DISC1: variants seen among roughly 807,000 people sequenced by gnomAD.
The protein encoded by DISC1 is DISC1 scaffold protein, also known as disrupted in schizophrenia 1 protein.
A neutral mutation model predicts 84.5 loss-of-function variants in DISC1; 57 were observed. The observed-to-expected ratio is 0.67, with a 90% CI of 0.55 to 0.84. DISC1 has a LOEUF of 0.84. Ranked by LOEUF, DISC1 falls within the 40% of genes least tolerant of loss-of-function variation. The pLI is 0.00. For missense variants in DISC1, 1,000 were observed against 1,057.8 expected (o/e 0.95, Z 0.76); for synonymous variants, 411 against 415.2 (o/e 0.99, Z 0.12).
intron 9 of DISC1, among the ~76,000 whole-genome samples, chr1:231,908,569 G>C (rs1160323463): frequency 6.6e-6 from 1 of 152,120 alleles, no homozygotes; most frequent in African/African-American, 2.4e-5. Flanking sequence ...TGCTGTTACT[G>C]TAGCCTTGTA....
At chr1:231,713,680 G>GATATATATATATATAT (rs1200959736) in intron 3 of DISC1, among the ~76,000 whole-genome samples, 8 of 120,804 alleles carry the variant, frequency 6.6e-5, no homozygotes, top group African/African-American at 2.4e-4. Context: ...TCATGAAGCA[G>GATATATATATATATAT]ATATATATAT....
Position 231,814,328 on chromosome 1 carries a change from A to T in DISC1, c.1793-4001A>T, listed in dbSNP as rs145934614. On this transcript the variant is annotated intron_variant, in intron 8 of 12. Coordinates refer to ENST00000439617, the MANE Select transcript of DISC1 (RefSeq NM_018662.3). The stretch of plus-strand genomic sequence containing the variant: ...GACAACAATATGAATTTCAGTGAAC[A>T]TAAAAAGCACCCATTATTTTATACA... Among the ~76,000 whole-genome samples, 36 of 152,338 alleles carry T rather than the reference A, an allele frequency of 2.4e-4. 1 individual carries two copies. The East Asian group carries it at 6.9e-3, about 29-fold the overall frequency.
chr1:232,022,767 A>T (rs572699152), intron 11 of DISC1, among the ~76,000 whole-genome samples: 1 of 152,234 alleles, frequency 6.6e-6, no homozygotes, highest in African/African-American at 2.4e-5. Context: ...CAAGATTCCA[A>T]GTGAGAGCAT....
chr1:231,642,841 T>C (rs1203672985), intron 1 of DISC1, among the ~76,000 whole-genome samples: 1 of 152,220 alleles, frequency 6.6e-6, no homozygotes, highest in Admixed American at 6.5e-5. Flanking sequence ...GTCATTGCCT[T>C]TCTCTGTAAA....
intron 3 of DISC1, among the ~76,000 whole-genome samples, chr1:231,716,272 C>T (rs1181284294): frequency 1.1e-5 from 1 of 87,166 alleles, no homozygotes; most frequent in Non-Finnish European, 2.2e-5. Flanking sequence ...TTCTGTTTGG[C>T]AATAAGAAGC....
At chr1:231,653,229 T>A (rs1345232662) in intron 1 of DISC1, among the ~76,000 whole-genome samples, 1 of 152,250 alleles carries the variant, frequency 6.6e-6, no homozygotes, top group African/African-American at 2.4e-5. Context: ...TATTCTGAAA[T>A]CTCAGTGGCT....
At chr1:231,747,608 T>G (rs2074141160) in intron 3 of DISC1, among the ~76,000 whole-genome samples, 1 of 152,214 alleles carries the variant, frequency 6.6e-6, no homozygotes, top group Non-Finnish European at 1.5e-5. Context: ...TCAATACTGT[T>G]CCATCGGTCC....
chr1:231,928,474 T>C (rs561896866), intron 9 of DISC1, among the ~76,000 whole-genome samples: 1 of 152,370 alleles, frequency 6.6e-6, no homozygotes, highest in African/African-American at 2.4e-5. Flanking sequence ...GCTAGCGGTC[T>C]ATCTATTTTG....
intron 9 of DISC1, among the ~76,000 whole-genome samples, chr1:231,851,638 G>C (rs1656246136): frequency 6.6e-6 from 1 of 152,196 alleles, no homozygotes; most frequent in Non-Finnish European, 1.5e-5. Flanking sequence ...GGCGGAGACA[G>C]AGATGGGGAG....
At chr1:231,851,409 A>G (rs1425578125) in intron 9 of DISC1, among the ~76,000 whole-genome samples, 1 of 152,206 alleles carries the variant, frequency 6.6e-6, no homozygotes, top group East Asian at 1.9e-4. Context: ...GGGGCGATAA[A>G]TATTCTGCAA....
intron 2 of DISC1, among the ~76,000 whole-genome samples, chr1:231,695,792 T>C (rs1302348236): frequency 1.3e-5 from 2 of 152,128 alleles, no homozygotes; most frequent in African/African-American, 4.8e-5. Flanking sequence ...GGAGGAGTAA[T>C]CTGCAGAAGT....
intron 3 of DISC1, chr1:231,702,670 A>G: frequency 1.1e-6 from 1 of 923,686 alleles, no homozygotes; most frequent in Non-Finnish European, 1.3e-6. Flanking sequence ...AACCAATTAA[A>G]ATGAGGCACC....
intron 3 of DISC1, among the ~76,000 whole-genome samples, chr1:231,738,686 T>C (rs889720675): frequency 6.6e-6 from 1 of 152,222 alleles, no homozygotes; most frequent in Non-Finnish European, 1.5e-5. Context: ...TAGTATGTTG[T>C]GGGCATGATA....
At chr1:231,924,344 G>A (rs2090202538) in intron 9 of DISC1, among the ~76,000 whole-genome samples, 1 of 152,218 alleles carries the variant, frequency 6.6e-6, no homozygotes, top group African/African-American at 2.4e-5. Context: ...TGTTCATGAT[G>A]TTGGAACCGG....
chr1:231,988,063 G>A (rs956922658), intron 10 of DISC1, among the ~76,000 whole-genome samples: 1 of 152,140 alleles, frequency 6.6e-6, no homozygotes, highest in African/African-American at 2.4e-5. Flanking sequence ...ACGTGTGCCT[G>A]TAGTCCCAGC....
chr1:231,953,008 G>T (rs1658768027), intron 9 of DISC1, among the ~76,000 whole-genome samples: 1 of 152,096 alleles, frequency 6.6e-6, no homozygotes, highest in African/African-American at 2.4e-5. Context: ...TTGTAACAAT[G>T]AGCTCTGGAA....
chr1:231,676,864 T>A (rs867137085), intron 1 of DISC1, among the ~76,000 whole-genome samples: 4 of 152,228 alleles, frequency 2.6e-5, no homozygotes, highest in African/African-American at 9.6e-5. Flanking sequence ...AGACCCCTTT[T>A]AAAAAAGAAA....
chr1:231,717,553 A>G (rs2125071572), intron 3 of DISC1, among the ~76,000 whole-genome samples: 1 of 152,198 alleles, frequency 6.6e-6, no homozygotes, highest in South Asian at 2.1e-4. Flanking sequence ...CTTGTTGATG[A>G]GGAAAGGTAG....
rs540134445 is a variant in DISC1, at chr1:231,794,973, C to T, written c.1635-269C>T. Among the ~76,000 whole-genome samples the T allele has an allele frequency of 3.0e-4, 46 of 152,274 alleles. No individual in the cohort carries two copies. In the South Asian group the frequency reaches 7.9e-3, roughly 26 times the overall value. ...CTTTGCTGCCAGGAGCACACCTTGG[C>T]TGTTCTTCCCGTTATCAGTAGATGT... On this transcript the variant is annotated intron_variant, in intron 6 of 12. Coordinates refer to ENST00000439617, the MANE Select transcript of DISC1 (RefSeq NM_018662.3).
Sources: gnomAD v4.1 joint callset for allele counts (sites outside exome capture counted in the v4.1 genomes callset) on GRCh38, gnomAD v4.1.1 for gene constraint, MANE v1.5 for transcripts, NCBI Gene and HGNC (gene_info 2026-07-23, HGNC 2026-07-21) for gene names.